Variants in SCAMP1 observed in about 807,000 individuals in gnomAD.
SCAMP1 encodes the protein secretory carrier membrane protein 1, also known as secretory carrier-associated membrane protein 1.
A neutral mutation model predicts 41.8 loss-of-function variants in SCAMP1; 15 were observed. That is an observed-to-expected ratio of 0.36 (90% CI 0.24 to 0.55). The LOEUF is 0.55. Ranked by LOEUF, SCAMP1 falls within the 20% of genes least tolerant of loss-of-function variation. The pLI, the probability that SCAMP1 is intolerant of heterozygous loss-of-function variation, is 0.86. For missense variants in SCAMP1, 341 were observed against 412.6 expected (o/e 0.83, Z 1.50); for synonymous variants, 135 against 136.8 (o/e 0.99, Z 0.09).
intron 2 of SCAMP1, among the ~76,000 whole-genome samples, chr5:78,391,729 G>A (rs965254158): frequency 2.6e-5 from 4 of 152,228 alleles, no homozygotes; most frequent in African/African-American, 9.6e-5. Context: ...TGAGCACTGA[G>A]TGAACCAGAC....
At chr5:78,369,113 T>C (rs932919490) in intron 1 of SCAMP1, among the ~76,000 whole-genome samples, 1 of 151,800 alleles carries the variant, frequency 6.6e-6, no homozygotes, top group Admixed American at 6.6e-5. Flanking sequence ...ACACAATTTT[T>C]TTTTTTTTTT....
chr5:78,376,578 G>A (rs1447638920), intron 1 of SCAMP1, among the ~76,000 whole-genome samples: 2 of 152,108 alleles, frequency 1.3e-5, no homozygotes, highest in South Asian at 2.1e-4. Flanking sequence ...AAATGATTTC[G>A]CCAGTTTTCA....
chr5:78,379,639 A>T (rs1256672163), intron 1 of SCAMP1, among the ~76,000 whole-genome samples: 2 of 152,256 alleles, frequency 1.3e-5, no homozygotes, highest in Admixed American at 6.5e-5. Context: ...AGTTGAAAGT[A>T]GAAAATTGGA....
At chr5:78,398,970 T>A (rs770902114) in intron 2 of SCAMP1, among the ~76,000 whole-genome samples, 1 of 152,236 alleles carries the variant, frequency 6.6e-6, no homozygotes, top group African/African-American at 2.4e-5. Flanking sequence ...CTGTACTTAT[T>A]CATCTCTTTG....
At chr5:78,386,203 T>C (rs1261233101) in intron 1 of SCAMP1, among the ~76,000 whole-genome samples, 1 of 152,200 alleles carries the variant, frequency 6.6e-6, no homozygotes, top group African/African-American at 2.4e-5. Flanking sequence ...TATCATCATA[T>C]GATGTCCCTC....
chr5:78,364,824 A>T (rs1012838275), intron 1 of SCAMP1, among the ~76,000 whole-genome samples: 4 of 143,020 alleles, frequency 2.8e-5, no homozygotes, highest in African/African-American at 1.0e-4. Flanking sequence ...CATAGGTGGG[A>T]ATTGAATAAT....
rs1229668792 is a variant in SCAMP1 at position 78,418,706 on chromosome 5, GAAAC to G, written c.344-65_344-62del. ...ACATAATAGAGTTTTTCTTTATTAT[GAAAC>G]AAAAAATAATATCACATTTGTTATA... On this transcript the variant is annotated intron_variant, in intron 4 of 8. Transcript: ENST00000621999. 4.7e-5 allele frequency: 50 copies of G among 1,064,758 alleles called. No homozygotes were observed. In the South Asian group the frequency reaches 8.3e-4, roughly 18 times the overall value. 66.0% of individuals were successfully genotyped at this position (1,064,758 alleles called of 1,614,324 possible). A position where few individuals can be genotyped will look rare whatever the true frequency, so the allele number is the denominator to read the frequency against.
chr5:78,421,021 T>A (rs1340168618), intron 5 of SCAMP1, among the ~76,000 whole-genome samples: 1 of 152,228 alleles, frequency 6.6e-6, no homozygotes, highest in Non-Finnish European at 1.5e-5. Context: ...TTTTAAAAAA[T>A]CCTTTGAAAC....
chr5:78,362,637 CAT>C (rs1431060982), intron 1 of SCAMP1, among the ~76,000 whole-genome samples: 1 of 152,196 alleles, frequency 6.6e-6, no homozygotes, highest in Non-Finnish European at 1.5e-5. Context: ...TGGTTGTACA[CAT>C]ATTTCTGCTT....
At chr5:78,436,187 G>A (rs181516574) in intron 6 of SCAMP1, among the ~76,000 whole-genome samples, 7 of 152,252 alleles carry the variant, frequency 4.6e-5, no homozygotes, top group African/African-American at 9.6e-5. Flanking sequence ...TGGTGACTCC[G>A]ATGGTAGTTT....
intron 6 of SCAMP1, among the ~76,000 whole-genome samples, chr5:78,424,400 G>A (rs1003642746): frequency 2.0e-5 from 3 of 152,158 alleles, no homozygotes; most frequent in Admixed American, 2.0e-4. Context: ...GATTAAACAT[G>A]AAGTTGTCAT....
intron 2 of SCAMP1, among the ~76,000 whole-genome samples, chr5:78,412,605 GTTTTTCT>G (rs1752108205): frequency 6.6e-6 from 1 of 151,858 alleles, no homozygotes; most frequent in East Asian, 1.9e-4. Flanking sequence ...GTCAGAGTTT[GTTTTTCT>G]ATCTCATGGT....
intron 6 of SCAMP1, among the ~76,000 whole-genome samples, chr5:78,422,749 A>C (rs1341512345): frequency 1.3e-5 from 2 of 152,208 alleles, no homozygotes; most frequent in African/African-American, 4.8e-5. Context: ...TGCTTTAAGA[A>C]GTATTGGGAA....
At chr5:78,382,298 A>G (rs1024580885) in intron 1 of SCAMP1, among the ~76,000 whole-genome samples, 1 of 152,218 alleles carries the variant, frequency 6.6e-6, no homozygotes, top group Non-Finnish European at 1.5e-5. Flanking sequence ...GATGTTCATT[A>G]TGCTGAGATG....
At chr5:78,449,646 GA>G in intron 6 of SCAMP1, among the ~76,000 whole-genome samples, 1 of 152,146 alleles carries the variant, frequency 6.6e-6, no homozygotes. Flanking sequence ...AGAAGAAAAC[GA>G]GTAAGTTTTT....
At chr5:78,419,386 C>T (rs895709705) in intron 5 of SCAMP1, among the ~76,000 whole-genome samples, 5 of 152,036 alleles carry the variant, frequency 3.3e-5, no homozygotes, top group South Asian at 2.1e-4. Flanking sequence ...TTTTCAATTG[C>T]GATACTTTTA....
chr5:78,431,766 A>G (rs145543883), intron 6 of SCAMP1, among the ~76,000 whole-genome samples: 2 of 152,106 alleles, frequency 1.3e-5, no homozygotes, highest in East Asian at 3.9e-4. Flanking sequence ...ATACAGTTTT[A>G]AAATGTATTT....
At chr5:78,419,152 C>A in intron 5 of SCAMP1, among the ~76,000 whole-genome samples, 1 of 152,106 alleles carries the variant, frequency 6.6e-6, no homozygotes, top group Admixed American at 6.5e-5. Flanking sequence ...GAAAAGACAA[C>A]TTCTCTGTCA....
At chr5:78,439,550 T>G (rs1752862205) in intron 6 of SCAMP1, among the ~76,000 whole-genome samples, 1 of 152,232 alleles carries the variant, frequency 6.6e-6, no homozygotes, top group Non-Finnish European at 1.5e-5. Context: ...GCCCCTACTC[T>G]CTTCTGGCTT....
Sources: allele counts gnomAD v4.1 joint callset (sites outside exome capture counted in the v4.1 genomes callset), GRCh38; gene constraint gnomAD v4.1.1; transcripts MANE v1.5; gene names NCBI Gene and HGNC (gene_info 2026-07-23, HGNC 2026-07-21).